The following PLD5 variants were observed in gnomAD, a reference collection of about 807,000 sequenced individuals.
PLD5 encodes the protein inactive phospholipase D5.
PLD5 carries 36 observed loss-of-function variants against 61.1 expected under a neutral mutation model. That is an observed-to-expected ratio of 0.59 (90% CI 0.45 to 0.78). The LOEUF (loss-of-function observed/expected upper bound fraction) is 0.78, where lower values mean the gene tolerates loss of function less well. PLD5 is among the 30% of genes least tolerant of loss of function. PLD5 has a pLI of 0.00. For missense variants in PLD5, 515 were observed against 644.4 expected (o/e 0.80, Z 2.17); for synonymous variants, 243 against 242.8 (o/e 1.00, Z -0.01).
At chr1:242,376,753 C>T (rs999352618) in intron 1 of PLD5, among the ~76,000 whole-genome samples, 3 of 152,156 alleles carry the variant, frequency 2.0e-5, no homozygotes, top group Admixed American at 6.6e-5. Flanking sequence ...TGTTTTAATA[C>T]TTATCGAGGA....
chr1:242,302,774 G>A (rs1283262203), intron 2 of PLD5, among the ~76,000 whole-genome samples: 3 of 152,000 alleles, frequency 2.0e-5, no homozygotes, highest in Admixed American at 6.6e-5. Context: ...TCATTCTCTG[G>A]GTATCTCCCA....
intron 1 of PLD5, among the ~76,000 whole-genome samples, chr1:242,378,978 C>T (rs1662130419): frequency 6.6e-6 from 1 of 152,188 alleles, no homozygotes. Context: ...CAAAGCCTTT[C>T]TCTGAGCCCC....
At chr1:242,199,694 G>A (rs941086255) in intron 5 of PLD5, among the ~76,000 whole-genome samples, 2 of 152,088 alleles carry the variant, frequency 1.3e-5, no homozygotes, top group Non-Finnish European at 2.9e-5. Flanking sequence ...AGTCCCCACT[G>A]TCCATCATTC....
intron 2 of PLD5, among the ~76,000 whole-genome samples, chr1:242,296,553 A>G (rs1360338365): frequency 6.6e-6 from 1 of 152,188 alleles, no homozygotes; most frequent in Non-Finnish European, 1.5e-5. Flanking sequence ...GACCACCTCT[A>G]GACATGGAAA....
At chr1:242,192,625 T>C (rs1441682030) in intron 5 of PLD5, among the ~76,000 whole-genome samples, 1 of 152,074 alleles carries the variant, frequency 6.6e-6, no homozygotes, top group Admixed American at 6.6e-5. Context: ...CCTAAGAAAC[T>C]AGACAAATGA....
At chr1:242,195,395 C>A (rs551290448) in intron 5 of PLD5, among the ~76,000 whole-genome samples, 25 of 152,308 alleles carry the variant, frequency 1.6e-4, no homozygotes, top group African/African-American at 5.8e-4. Flanking sequence ...ACCTTACCTA[C>A]CTGCTCTTTT....
chr1:242,386,032 C>A (rs977317689), intron 1 of PLD5, among the ~76,000 whole-genome samples: 38 of 152,204 alleles, frequency 2.5e-4, no homozygotes, highest in African/African-American at 8.9e-4. Context: ...ATTCCAGGAC[C>A]CTCTCCTTGG....
At chr1:242,396,673 C>T (rs11485030) in intron 1 of PLD5, among the ~76,000 whole-genome samples, 22,439 of 129,230 alleles carry the variant, frequency 0.17, 2,991 homozygotes, top group African/African-American at 0.36. Flanking sequence ...CTTTTCTTTT[C>T]TTTTTTTTTT....
At position 242,331,575 on chromosome 1, in the gene PLD5, G is replaced by A. The variant is rs554760145; in HGVS notation, c.326+16531C>T. Among the ~76,000 whole-genome samples, 156 of 152,220 alleles carry A rather than the reference G, an allele frequency of 1.0e-3. 2 individuals are homozygous for A. The highest frequency in any genetic ancestry group is 3.5e-3 in the African/African-American group (146 of 41,536). ...AGACAGAATGAAAACTGAGGCCTCT[G>A]AAAACATAATTGCTAATGCCTGAAC... On this transcript the variant is annotated intron_variant, in intron 2 of 9. Transcript: ENST00000536534.
chr1:242,187,765 A>G (rs1169457808), intron 5 of PLD5, among the ~76,000 whole-genome samples: 1 of 152,228 alleles, frequency 6.6e-6, no homozygotes, highest in African/African-American at 2.4e-5. Context: ...GTCACCAGGC[A>G]GTATGAGAGG....
intron 2 of PLD5, among the ~76,000 whole-genome samples, chr1:242,291,589 G>A (rs1459078604): frequency 1.3e-5 from 2 of 152,042 alleles, no homozygotes. Context: ...GGCGGATCAT[G>A]AGGTCAGGAA....
intron 5 of PLD5, among the ~76,000 whole-genome samples, chr1:242,138,061 G>A (rs2636255): frequency 0.5 from 75,424 of 151,970 alleles, 18,992 homozygotes; most frequent in Non-Finnish European, 0.53. Flanking sequence ...TGCATACCAC[G>A]TATAATTATC....
At position 242,113,927 on chromosome 1, in the gene PLD5, T is replaced by A; in HGVS notation, c.1033A>T (p.Met345Leu). 6.2e-7 allele frequency: 1 copy of A among 1,613,786 alleles called. No homozygotes were observed. The highest frequency in any genetic ancestry group is 1.1e-5 in the South Asian group (1 of 91,012). The change falls in exon 7 of 10, where the codon ATG becomes TTG. Residue 345 changes from methionine to leucine, a missense_variant. Met to Leu is a conservative substitution (Grantham distance 15). Transcript: ENST00000536534. Reference protein sequence around the residue: ...DAKQYVYIAVMDYLPISSTST... With the variant: ...DAKQYVYIAVLDYLPISSTST... The stretch of plus-strand genomic sequence containing the variant: ...GTGCTGGAGATAGGCAGGTAGTCCA[T>A]GACAGCGATGTACACATACTGCTTG...
At chr1:242,175,622 T>G (rs541685532) in intron 5 of PLD5, among the ~76,000 whole-genome samples, 4 of 152,216 alleles carry the variant, frequency 2.6e-5, no homozygotes, top group South Asian at 2.1e-4. Flanking sequence ...GAGAAAGAAA[T>G]AAAGCGTATT....
At chr1:242,121,595 A>G (rs1313923999) in intron 6 of PLD5, among the ~76,000 whole-genome samples, 1 of 152,220 alleles carries the variant, frequency 6.6e-6, no homozygotes, top group Non-Finnish European at 1.5e-5. Flanking sequence ...TGCTGGGTAT[A>G]TACCCAAAGG....
intron 4 of PLD5, among the ~76,000 whole-genome samples, chr1:242,239,630 C>A (rs1437182884): frequency 6.6e-6 from 1 of 152,184 alleles, no homozygotes; most frequent in Non-Finnish European, 1.5e-5. Context: ...TACCAACAAG[C>A]AGCGGGAGGT....
chr1:242,341,483 G>A (rs1659828661), intron 2 of PLD5, among the ~76,000 whole-genome samples: 1 of 150,410 alleles, frequency 6.6e-6, no homozygotes, highest in African/African-American at 2.5e-5. Flanking sequence ...AGCAAATAAA[G>A]TATGTGAAAA....
chr1:242,167,293 A>G (rs1015534193), intron 5 of PLD5, among the ~76,000 whole-genome samples: 21 of 152,296 alleles, frequency 1.4e-4, no homozygotes, highest in African/African-American at 5.1e-4. Context: ...TTAATGGACT[A>G]ACAGTTCCAC....
intron 2 of PLD5, among the ~76,000 whole-genome samples, chr1:242,344,276 C>A (rs1394296962): frequency 1.3e-5 from 2 of 152,130 alleles, no homozygotes; most frequent in Admixed American, 1.3e-4. Flanking sequence ...AAGCCAATAG[C>A]CTCTAATCAG....
Sources: gnomAD v4.1 joint callset for allele counts (sites outside exome capture counted in the v4.1 genomes callset) on GRCh38, gnomAD v4.1.1 for gene constraint, MANE v1.5 for transcripts, NCBI Gene and HGNC (gene_info 2026-07-23, HGNC 2026-07-21) for gene names.